Variants in SLC25A17 observed in about 807,000 individuals in gnomAD.
SLC25A17 encodes peroxisomal membrane protein PMP34.
A neutral mutation model predicts 38.5 loss-of-function variants in SLC25A17; 26 were observed. The observed-to-expected ratio is 0.68, with a 90% confidence interval of 0.50 to 0.94. SLC25A17 has a LOEUF of 0.94. SLC25A17 is among the 40% of genes least tolerant of loss of function. SLC25A17 has a pLI of 0.00. For missense variants in SLC25A17, 333 were observed against 372.7 expected (o/e 0.89, Z 0.88); for synonymous variants, 139 against 136.2 (o/e 1.02, Z -0.14).
chr22:40,772,629 GTTCT>G (rs2057195821), intron 8 of SLC25A17, among the ~76,000 whole-genome samples: 1 of 151,238 alleles, frequency 6.6e-6, no homozygotes, highest in South Asian at 2.1e-4. Flanking sequence ...TCCCTTGAAT[GTTCT>G]TTTTTTTTTT....
At chr22:40,808,296 C>T (rs2057547924) in intron 1 of SLC25A17, among the ~76,000 whole-genome samples, 1 of 152,310 alleles carries the variant, frequency 6.6e-6, no homozygotes, top group Admixed American at 6.5e-5. Flanking sequence ...GAATAAGTGA[C>T]TTCCTACACT....
Position 40,777,377 on chromosome 22 carries a change from A to C in SLC25A17, c.452-4T>G. ...CGAATGATCTGATGAAAAGCATCTA[A>C]GCAAGAAATCAGGGACTTTTGAAAA... On this transcript the variant is annotated splice_region_variant and splice_polypyrimidine_tract_variant and intron_variant, in intron 5 of 8. Transcript: ENST00000435456. 6.2e-7 allele frequency: 1 copy of C among 1,607,936 alleles called. No individual in the cohort carries two copies. The highest frequency in any genetic ancestry group is 8.5e-7 in the Non-Finnish European group (1 of 1,177,254).
chr22:40,785,047 G>A (rs994160663), intron 4 of SLC25A17, among the ~76,000 whole-genome samples: 1 of 152,076 alleles, frequency 6.6e-6, no homozygotes, highest in African/African-American at 2.4e-5. Context: ...CTGACCTTCT[G>A]GTTCTGAGGG....
rs1346037740 is a variant in SLC25A17 at position 40,770,736 on chromosome 22, G to A, written c.*98C>T. On this transcript the variant is annotated 3_prime_UTR_variant, in exon 9 of 9. Coordinates refer to ENST00000435456, the MANE Select transcript of SLC25A17 (RefSeq NM_006358.4). ...TTTCAAGCCAATGAGGGTAACATTT[G>A]TGGTGGCAGGAGCCAGAGTCAAGGG... 7.6e-7 allele frequency: 1 copy of A among 1,308,022 alleles called. No individual in the cohort carries two copies. Among genetic ancestry groups the A allele is most frequent in the Non-Finnish European group, 1.0e-6 (1 of 962,468 alleles). The allele number at this position is 1,308,022 out of a possible 1,614,324, so 81.0% of individuals were successfully genotyped here.
chr22:40,790,203 T>A (rs1213870570), intron 4 of SLC25A17, among the ~76,000 whole-genome samples: 1 of 151,642 alleles, frequency 6.6e-6, no homozygotes, highest in East Asian at 2.0e-4. Flanking sequence ...TAGCTGGGCA[T>A]GGTGGTGGGT....
intron 1 of SLC25A17, 42 bp from the exon 2 acceptor site, chr22:40,799,125 G>T: frequency 2.0e-6 from 3 of 1,524,842 alleles, no homozygotes; most frequent in Non-Finnish European, 1.8e-6. Flanking sequence ...CACAAACATA[G>T]TTTAAGTCAC....
intron 2 of SLC25A17, among the ~76,000 whole-genome samples, 158 bp from the exon 3 acceptor site, chr22:40,794,738 G>C (rs1160496009): frequency 6.6e-6 from 1 of 152,008 alleles, no homozygotes; most frequent in Non-Finnish European, 1.5e-5. Flanking sequence ...TCCTGTTGCA[G>C]CCTCCCAAGT....
chr22:40,797,792 T>C (rs2145683681), intron 2 of SLC25A17, among the ~76,000 whole-genome samples: 1 of 152,352 alleles, frequency 6.6e-6, no homozygotes, highest in Non-Finnish European at 1.5e-5. Context: ...ATCACTAGAC[T>C]GGGGTGGAGG....
intron 5 of SLC25A17, 138 bp from the exon 6 acceptor site, chr22:40,777,511 C>T: frequency 9.9e-7 from 1 of 1,005,556 alleles, no homozygotes; most frequent in Non-Finnish European, 1.4e-6. Flanking sequence ...CAGCCGGTTG[C>T]AATGGCTCAC....
At chr22:40,796,988 G>C (rs1055783067) in intron 2 of SLC25A17, among the ~76,000 whole-genome samples, 4 of 152,048 alleles carry the variant, frequency 2.6e-5, no homozygotes, top group African/African-American at 9.7e-5. Context: ...GTAAAAAAGG[G>C]AGAGAAAAAA....
chr22:40,779,569 G>A (rs2057277258), intron 4 of SLC25A17: 2 of 261,604 alleles, frequency 7.6e-6, no homozygotes, highest in South Asian at 7.0e-5. Flanking sequence ...ACGGTTTGAA[G>A]TGAGTATGGA....
chr22:40,794,632 T>C, intron 2 of SLC25A17, 52 bp from the exon 3 acceptor site: 1 of 1,222,086 alleles, frequency 8.2e-7, no homozygotes, highest in Non-Finnish European at 1.1e-6. Context: ...AAAAAATTTT[T>C]TTTTTGAGAC....
chr22:40,794,666 C>A (rs1221801286), intron 2 of SLC25A17, 86 bp from the exon 3 acceptor site: 13 of 684,958 alleles, frequency 1.9e-5, no homozygotes, highest in Non-Finnish European at 3.1e-5. Context: ...GTCGCCCAGG[C>A]TGGAGTGCAG....
At chr22:40,778,668 T>A (rs2145651619) in intron 5 of SLC25A17, among the ~76,000 whole-genome samples, 1 of 152,260 alleles carries the variant, frequency 6.6e-6, no homozygotes, top group East Asian at 1.9e-4. Context: ...GCTGCACCCA[T>A]TAACTCATCA....
chr22:40,815,005 G>A (rs2057624944), intron 1 of SLC25A17, among the ~76,000 whole-genome samples: 1 of 151,864 alleles, frequency 6.6e-6, no homozygotes, highest in African/African-American at 2.4e-5. Context: ...ATTTTTAGTA[G>A]AGATGGGGTT....
chr22:40,772,295 C>A (rs1462499195), intron 8 of SLC25A17, among the ~76,000 whole-genome samples: 2 of 152,056 alleles, frequency 1.3e-5, no homozygotes, highest in African/African-American at 4.8e-5. Flanking sequence ...TATACATATT[C>A]TTTGTCTTTT....
At chr22:40,812,704 T>C (rs1408085686) in intron 1 of SLC25A17, among the ~76,000 whole-genome samples, 1 of 152,116 alleles carries the variant, frequency 6.6e-6, no homozygotes, top group Non-Finnish European at 1.5e-5. Flanking sequence ...CACTGCATTA[T>C]AGAACAGAAA....
intron 2 of SLC25A17, among the ~76,000 whole-genome samples, chr22:40,795,523 C>T (rs2057421166): frequency 6.6e-6 from 1 of 152,110 alleles, no homozygotes; most frequent in South Asian, 2.1e-4. Context: ...ATCTCCTGAC[C>T]TCGTGATCCA....
intron 1 of SLC25A17, among the ~76,000 whole-genome samples, chr22:40,817,598 A>C (rs1186063408): frequency 6.6e-6 from 1 of 152,182 alleles, no homozygotes; most frequent in Non-Finnish European, 1.5e-5. Flanking sequence ...GGAGTCAACC[A>C]ACCCTCATTT....
Sources: gnomAD v4.1 joint callset for allele counts (sites outside exome capture counted in the v4.1 genomes callset) on GRCh38, gnomAD v4.1.1 for gene constraint, MANE v1.5 for transcripts, NCBI Gene and HGNC (gene_info 2026-07-23, HGNC 2026-07-21) for gene names.